Variants in PHLDB2 observed in about 807,000 individuals in gnomAD.
PHLDB2 encodes the protein pleckstrin homology-like domain family B member 2.
A neutral mutation model predicts 123.6 loss-of-function variants in PHLDB2; 71 were observed. The ratio of observed to expected loss-of-function variants is 0.57; its 90% CI spans 0.47 to 0.70. The LOEUF is 0.70. PHLDB2 is among the 30% of genes least tolerant of loss of function. The pLI, the probability that PHLDB2 is intolerant of heterozygous loss-of-function variation, is 0.00. For synonymous variants in PHLDB2, 547 were observed against 541.6 expected (o/e 1.01, Z -0.14); for missense variants, 1,446 against 1,519.5 (o/e 0.95, Z 0.80).
At chr3:111,843,050 C>T (rs1348564542) in intron 1 of PHLDB2, among the ~76,000 whole-genome samples, 1 of 152,212 alleles carries the variant, frequency 6.6e-6, no homozygotes, top group Non-Finnish European at 1.5e-5. Context: ...CAAATAACGA[C>T]ACCATGAACA....
chr3:111,762,517 T>C (rs1227768798), intron 1 of PHLDB2, among the ~76,000 whole-genome samples: 1 of 152,180 alleles, frequency 6.6e-6, no homozygotes, highest in Non-Finnish European at 1.5e-5. Context: ...TGCCTTGTGA[T>C]GCCACAATTA....
intron 2 of PHLDB2, among the ~76,000 whole-genome samples, chr3:111,895,873 C>CATCT (rs66478861): frequency 0.089 from 13,167 of 148,612 alleles, 688 homozygotes; most frequent in African/African-American, 0.14. Context: ...TCTATCTATC[C>CATCT]ATCTATCTAT....
intron 1 of PHLDB2, among the ~76,000 whole-genome samples, chr3:111,742,271 A>T (rs2059616021): frequency 6.6e-6 from 1 of 152,168 alleles, no homozygotes; most frequent in Admixed American, 6.5e-5. Context: ...AAGTCATAAT[A>T]GCATGTTAGA....
chr3:111,855,402 T>A (rs1031495905), upstream of PHLDB2, among the ~76,000 whole-genome samples: 3 of 146,684 alleles, frequency 2.0e-5, no homozygotes, highest in Admixed American at 7.0e-5. Flanking sequence ...AGACTCTCTC[T>A]TTCTTCCTTC....
chr3:111,803,310 G>A (rs1339469394), intron 1 of PHLDB2, among the ~76,000 whole-genome samples: 1 of 152,162 alleles, frequency 6.6e-6, no homozygotes, highest in East Asian at 1.9e-4. Flanking sequence ...AATATGGAAT[G>A]GAATGTAAGG....
chr3:111,969,584 C>A, intron 15 of PHLDB2, 106 bp from the exon 16 acceptor site: 2 of 822,462 alleles, frequency 2.4e-6, no homozygotes, highest in Non-Finnish European at 3.8e-6. Flanking sequence ...ATCATATAGG[C>A]ATTTTAAAGC....
intron 5 of PHLDB2, among the ~76,000 whole-genome samples, chr3:111,924,811 G>A (rs1245520560): frequency 6.6e-6 from 1 of 152,172 alleles, no homozygotes; most frequent in African/African-American, 2.4e-5. Flanking sequence ...ACCTCAGAAT[G>A]CCTCCCCATT....
intron 1 of PHLDB2, among the ~76,000 whole-genome samples, chr3:111,805,761 G>C: frequency 6.8e-6 from 1 of 147,836 alleles, no homozygotes; most frequent in Non-Finnish European, 1.5e-5. Flanking sequence ...GTGAGTGGGA[G>C]TGTTGACTGG....
At chr3:111,937,429 G>C (rs1449103584) in intron 6 of PHLDB2, among the ~76,000 whole-genome samples, 2 of 152,122 alleles carry the variant, frequency 1.3e-5, no homozygotes, top group Non-Finnish European at 2.9e-5. Flanking sequence ...GAGCCACAGA[G>C]CCCAGCTGCC....
At position 111,859,445 on chromosome 3, in the gene PHLDB2, T is replaced by G. The variant is rs1480634550; in HGVS notation, c.-146T>G. On this transcript the variant is annotated 5_prime_UTR_variant, in exon 1 of 18. Transcript: ENST00000431670. ...CGGTGGTTACAAAGGGGGTCAAGAG[T>G]GCCGGACCCAGCCGCGCGGAGCCCA... The G allele has an allele frequency of 3.0e-6, 3 of 985,410 alleles. No individual in the cohort carries two copies. The highest frequency in any genetic ancestry group is 3.6e-6 in the Non-Finnish European group (3 of 829,980). 61.0% of individuals were successfully genotyped at this position (985,410 alleles called of 1,614,324 possible). A position where few individuals can be genotyped will look rare whatever the true frequency, so the allele number is the denominator to read the frequency against.
chr3:111,853,475 A>C (rs1237496997), intron 2 of PHLDB2, among the ~76,000 whole-genome samples: 1 of 152,216 alleles, frequency 6.6e-6, no homozygotes, highest in East Asian at 1.9e-4. Context: ...CATTATCAAT[A>C]GTTCCAGAAA....
chr3:111,956,956 T>A (rs1336646258), intron 12 of PHLDB2: 1 of 152,248 alleles, frequency 6.6e-6, no homozygotes, highest in Non-Finnish European at 1.5e-5. Context: ...AATCATCTTT[T>A]AAACTTACAC....
At chr3:111,857,202 A>G (rs2064550385), upstream of PHLDB2, among the ~76,000 whole-genome samples, 1 of 152,152 alleles carries the variant, frequency 6.6e-6, no homozygotes, top group African/African-American at 2.4e-5. Flanking sequence ...CTGTCATCCC[A>G]ACACTTAGGG....
At chr3:111,798,245 A>AAAGAAGAAG (rs960510193) in intron 1 of PHLDB2, among the ~76,000 whole-genome samples, 1 of 152,222 alleles carries the variant, frequency 6.6e-6, no homozygotes, top group African/African-American at 2.4e-5. Flanking sequence ...TATCTTAAAA[A>AAAGAAGAAG]AAGAAGAAGA....
chr3:111,930,448 G>T (rs529231840), intron 5 of PHLDB2, among the ~76,000 whole-genome samples: 1 of 152,080 alleles, frequency 6.6e-6, no homozygotes, highest in Non-Finnish European at 1.5e-5. Flanking sequence ...CCATTTGGAG[G>T]TAGAGTTGCT....
intron 1 of PHLDB2, among the ~76,000 whole-genome samples, chr3:111,735,031 T>A (rs997010090): frequency 4.6e-5 from 7 of 152,164 alleles, no homozygotes; most frequent in Non-Finnish European, 1.0e-4. Flanking sequence ...ACCCAGATAA[T>A]CCTCAGGCTA....
chr3:111,818,599 A>G (rs2062211409), intron 1 of PHLDB2, among the ~76,000 whole-genome samples: 1 of 152,196 alleles, frequency 6.6e-6, no homozygotes, highest in Non-Finnish European at 1.5e-5. Context: ...TCACAGCTGA[A>G]GATGGGTCTT....
chr3:111,824,242 C>A (rs150217895), intron 1 of PHLDB2, among the ~76,000 whole-genome samples: 11 of 152,268 alleles, frequency 7.2e-5, no homozygotes, highest in Non-Finnish European at 1.2e-4. Context: ...CTTCGACTGC[C>A]AAATCTTACT....
rs61038523 is a variant in PHLDB2, at chr3:111,866,014, A to ATTTTTTTTTT, written c.-15+6453_-15+6462dup. Among the ~76,000 whole-genome samples the ATTTTTTTTTT allele has an allele frequency of 8.1e-3, 463 of 57,394 alleles. 82 individuals carry two copies. Among genetic ancestry groups the ATTTTTTTTTT allele is most frequent in the Admixed American group, 8.5e-3 (28 of 3,278 alleles). The allele number at this position is 57,394 out of a possible 152,430, so 37.7% of individuals were successfully genotyped here. ...TTTTAGAAACCTACCCCACCCACTC[A>ATTTTTTTTTT]TTTTTTTTTTTTTTTTTTTTTTTTG... is the stretch of plus-strand genomic sequence containing the variant. On this transcript the variant is annotated intron_variant, in intron 1 of 17. Coordinates refer to ENST00000431670, the MANE Select transcript of PHLDB2 (RefSeq NM_001134438.2).
Sources: gnomAD v4.1 joint callset for allele counts (sites outside exome capture counted in the v4.1 genomes callset) on GRCh38, gnomAD v4.1.1 for gene constraint, MANE v1.5 for transcripts, NCBI Gene and HGNC (gene_info 2026-07-23, HGNC 2026-07-21) for gene names.